Variants in FSTL5 observed in about 807,000 individuals in gnomAD.
The protein encoded by FSTL5 is follistatin like 5, also known as follistatin-related protein 5.
Under a neutral mutation model 89.1 loss-of-function variants are expected in FSTL5, and 62 were observed. The observed-to-expected ratio is 0.70, with a 90% CI of 0.57 to 0.86. The LOEUF is 0.86. Ranked by LOEUF, FSTL5 falls within the 40% of genes least tolerant of loss-of-function variation. FSTL5 has a pLI of 0.00. For synonymous variants in FSTL5, 383 were observed against 346.2 expected (o/e 1.11, Z -1.18); for missense variants, 1,057 against 1,001.6 (o/e 1.06, Z -0.75).
At chr4:161,569,339 A>T (rs146246325) in intron 8 of FSTL5, among the ~76,000 whole-genome samples, 1 of 152,166 alleles carries the variant, frequency 6.6e-6, no homozygotes, top group South Asian at 2.1e-4. Flanking sequence ...CCCAAGGGTT[A>T]CCTGTTTCAA....
Position 161,647,466 on chromosome 4 carries a change from C to T in FSTL5, c.894+8862G>A, listed in dbSNP as rs116854637. The stretch of plus-strand genomic sequence containing the variant: ...TTCTTTTGCAGTGTTACTTTGGCTA[C>T]TCAGGGTTCTTGTGGTTCCATATAA... On this transcript the variant is annotated intron_variant, in intron 7 of 15. Transcript: ENST00000306100. Among the ~76,000 whole-genome samples the T allele has an allele frequency of 6.0e-3, 909 of 151,602 alleles. 9 individuals carry two copies. Among genetic ancestry groups the T allele is most frequent in the South Asian group, 0.046 (219 of 4,810 alleles).
rs149343064 is a variant in FSTL5 at position 161,571,850 on chromosome 4, G to A, written c.1015+15605C>T. Among the ~76,000 whole-genome samples, 25 of 152,246 alleles carry A rather than the reference G, an allele frequency of 1.6e-4. No individual in the cohort carries two copies. In the East Asian group the frequency reaches 4.5e-3, roughly 27 times the overall value. ...AAATTGCCTGTTCCCAAGAGGCATC[G>A]TGAGTGTCTTTAATGTTTTCTCAGA... On this transcript the variant is annotated intron_variant, in intron 8 of 15. Transcript: ENST00000306100.
At chr4:161,594,684 C>A (rs1360954717) in intron 7 of FSTL5, among the ~76,000 whole-genome samples, 1 of 151,900 alleles carries the variant, frequency 6.6e-6, no homozygotes, top group Non-Finnish European at 1.5e-5. Context: ...CTTTAATAAA[C>A]AATTTTATAA....
At chr4:161,414,999 T>C (rs1351631665) in intron 15 of FSTL5, among the ~76,000 whole-genome samples, 5 of 152,124 alleles carry the variant, frequency 3.3e-5, no homozygotes, top group Admixed American at 2.0e-4. Flanking sequence ...CCAGTGAAAA[T>C]TAGGGAAAGG....
intron 4 of FSTL5, among the ~76,000 whole-genome samples, chr4:161,842,944 C>T (rs1731257600): frequency 6.6e-6 from 1 of 152,046 alleles, no homozygotes; most frequent in Non-Finnish European, 1.5e-5. Flanking sequence ...TATTTGCTAA[C>T]TTGATGGTGT....
intron 12 of FSTL5, among the ~76,000 whole-genome samples, chr4:161,496,158 C>A (rs570484749): frequency 6.6e-6 from 1 of 152,274 alleles, no homozygotes; most frequent in East Asian, 1.9e-4. Flanking sequence ...ATAGCTAAGG[C>A]TCAAAGCAAT....
intron 2 of FSTL5, among the ~76,000 whole-genome samples, chr4:162,037,305 G>A (rs986854813): frequency 4.6e-5 from 7 of 151,930 alleles, no homozygotes; most frequent in East Asian, 1.9e-4. Flanking sequence ...TTGATATGAC[G>A]AATTAAACAT....
At chr4:162,097,228 A>G (rs924580141) in intron 2 of FSTL5, among the ~76,000 whole-genome samples, 1 of 151,746 alleles carries the variant, frequency 6.6e-6, no homozygotes, top group Admixed American at 6.6e-5. Flanking sequence ...GATTATCCTT[A>G]GTGTCTGATA....
chr4:161,410,986 T>TAGA (rs758247505), intron 15 of FSTL5, among the ~76,000 whole-genome samples: 1 of 149,764 alleles, frequency 6.7e-6, no homozygotes, highest in African/African-American at 2.4e-5. Context: ...GACCTTTAGC[T>TAGA]ATCAATCAGA....
chr4:161,979,623 A>G (rs1735758631), intron 3 of FSTL5, among the ~76,000 whole-genome samples: 1 of 151,720 alleles, frequency 6.6e-6, no homozygotes, highest in Non-Finnish European at 1.5e-5. Context: ...TATTTCCATC[A>G]TTATTCTTTT....
intron 6 of FSTL5, among the ~76,000 whole-genome samples, chr4:161,735,930 A>G (rs78729498): frequency 0.016 from 2,368 of 151,878 alleles, 58 homozygotes; most frequent in South Asian, 0.07. Flanking sequence ...ACAACTTTAT[A>G]AAAAAAAGAG....
chr4:161,510,584 A>C (rs1418836624), intron 10 of FSTL5, among the ~76,000 whole-genome samples, 160 bp from the exon 11 acceptor site: 1 of 151,944 alleles, frequency 6.6e-6, no homozygotes, highest in Non-Finnish European at 1.5e-5. Flanking sequence ...AATTAACAAA[A>C]CAATAGCATG....
chr4:161,790,353 G>C (rs1196173434), intron 4 of FSTL5, among the ~76,000 whole-genome samples: 2 of 152,180 alleles, frequency 1.3e-5, no homozygotes, highest in Non-Finnish European at 2.9e-5. Context: ...TAGCCTTTGA[G>C]GAAAGAAGAA....
At chr4:161,576,395 C>T (rs918395585) in intron 8 of FSTL5, among the ~76,000 whole-genome samples, 1 of 152,160 alleles carries the variant, frequency 6.6e-6, no homozygotes, top group African/African-American at 2.4e-5. Context: ...AAGCTGGAGG[C>T]ATCACGCTAT....
At chr4:161,752,086 TA>T (rs1466184558) in intron 6 of FSTL5, among the ~76,000 whole-genome samples, 5 of 152,188 alleles carry the variant, frequency 3.3e-5, no homozygotes, top group Non-Finnish European at 7.3e-5. Flanking sequence ...GTTGCTCTGG[TA>T]AACTTTGTTG....
At chr4:162,077,201 A>G (rs1729886908) in intron 2 of FSTL5, among the ~76,000 whole-genome samples, 1 of 151,816 alleles carries the variant, frequency 6.6e-6, no homozygotes, top group Non-Finnish European at 1.5e-5. Context: ...GAAAAGCACG[A>G]GAGGGCAAGA....
intron 15 of FSTL5, among the ~76,000 whole-genome samples, chr4:161,450,741 A>ATTTTTTT (rs70937651): frequency 1.5e-5 from 2 of 131,586 alleles, no homozygotes; most frequent in Non-Finnish European, 3.2e-5. Context: ...ATTCATCTTC[A>ATTTTTTT]TTTTTTTTTT....
At chr4:161,792,086 G>T (rs1233352351) in intron 4 of FSTL5, among the ~76,000 whole-genome samples, 5 of 152,116 alleles carry the variant, frequency 3.3e-5, no homozygotes, top group Admixed American at 6.5e-5. Context: ...TCCATCCCCC[G>T]CAGGCTTGGA....
chr4:161,999,321 T>C (rs767494275), intron 3 of FSTL5, among the ~76,000 whole-genome samples: 28 of 152,140 alleles, frequency 1.8e-4, no homozygotes, highest in Non-Finnish European at 3.7e-4. Flanking sequence ...AAAATACTGA[T>C]AGAAAATAAA....
Sources: gnomAD v4.1 joint callset for allele counts (sites outside exome capture counted in the v4.1 genomes callset) on GRCh38, gnomAD v4.1.1 for gene constraint, MANE v1.5 for transcripts, NCBI Gene and HGNC (gene_info 2026-07-23, HGNC 2026-07-21) for gene names.